The following NLGN4Y variants were observed in gnomAD, a reference collection of about 807,000 sequenced individuals.
NLGN4Y encodes the protein neuroligin 4 Y-linked.
A neutral mutation model predicts 8.4 loss-of-function variants in NLGN4Y; 4 were observed. The ratio of observed to expected loss-of-function variants is 0.48; its 90% CI spans 0.23 to 1.09. The LOEUF is 1.09. Among genes scored for constraint, NLGN4Y ranks in the 50% least tolerant of loss-of-function variants. NLGN4Y has a pLI of 0.19. For synonymous variants in NLGN4Y, 35 were observed against 75.6 expected, an observed-to-expected ratio of 0.46 and a Z score of 2.78; for missense variants, 90 against 192.3, an observed-to-expected ratio of 0.47 and a Z score of 3.15.
intron 4 of NLGN4Y, among the ~76,000 whole-genome samples, chrY:14,822,946 T>A: frequency 3.0e-5 from 1 of 33,390 alleles, no homozygotes; most frequent in Non-Finnish European, 7.4e-5. Flanking sequence ...ACCTCACAGT[T>A]GCAATACTGC....
At chrY:14,734,025 C>A (rs2080983789) in intron 4 of NLGN4Y, among the ~76,000 whole-genome samples, 1 of 32,932 alleles carries the variant, frequency 3.0e-5, no homozygotes. Context: ...AAGTTCTTGT[C>A]CAGCCTCCAG....
intron 4 of NLGN4Y, among the ~76,000 whole-genome samples, chrY:14,764,593 A>C: frequency 3.0e-5 from 1 of 33,812 alleles, no homozygotes; most frequent in South Asian, 6.6e-4. Context: ...TAAAAAACTG[A>C]CATTTATTTC....
intron 4 of NLGN4Y, among the ~76,000 whole-genome samples, chrY:14,770,480 C>A (rs2150572996): frequency 3.0e-5 from 1 of 33,282 alleles, no homozygotes; most frequent in South Asian, 6.7e-4. Flanking sequence ...TAGAAGAAAA[C>A]CTAACAAACA....
intron 1 of NLGN4Y, among the ~76,000 whole-genome samples, chrY:14,593,831 A>G (rs904849743): frequency 1.2e-4 from 4 of 33,228 alleles, no homozygotes; most frequent in Non-Finnish European, 3.0e-4. Context: ...TGTCCTTCCA[A>G]TGCCCAGACT....
chrY:14,799,050 G>A (rs2043021739), intron 4 of NLGN4Y, among the ~76,000 whole-genome samples: 1 of 33,859 alleles, frequency 3.0e-5, no homozygotes, highest in Non-Finnish European at 7.3e-5. Context: ...GCTGAAGCAG[G>A]AAAAGCCCAT....
intron 1 of NLGN4Y, among the ~76,000 whole-genome samples, chrY:14,595,015 A>T: frequency 3.0e-5 from 1 of 33,329 alleles, no homozygotes. Context: ...CTAAAGCCGC[A>T]TTCTTTTCAT....
At chrY:14,524,430 C>T, upstream of NLGN4Y, 2 of 95,738 alleles carry the variant, frequency 2.1e-5, no homozygotes, top group African/African-American at 2.0e-4. Flanking sequence ...TTCATCTGGT[C>T]TCTTCTCCCC....
chrY:14,546,338 A>T, intron 1 of NLGN4Y, among the ~76,000 whole-genome samples: 1 of 33,028 alleles, frequency 3.0e-5, no homozygotes, highest in Non-Finnish European at 7.4e-5. Flanking sequence ...CTTGATGGGG[A>T]TGGCATTGAA....
intron 2 of NLGN4Y, among the ~76,000 whole-genome samples, chrY:14,660,029 G>A (rs2080668655): frequency 3.0e-5 from 1 of 33,780 alleles, no homozygotes; most frequent in African/African-American, 1.2e-4. Context: ...CGATCTTCCT[G>A]CCTTGGCCTT....
chrY:14,827,290 T>C, intron 5 of NLGN4Y, among the ~76,000 whole-genome samples: 1 of 34,135 alleles, frequency 2.9e-5, no homozygotes, highest in African/African-American at 1.1e-4. Flanking sequence ...TCAGTTGATA[T>C]GACAGTTGTA....
chrY:14,758,261 G>A, intron 4 of NLGN4Y, among the ~76,000 whole-genome samples: 1 of 33,268 alleles, frequency 3.0e-5, no homozygotes, highest in African/African-American at 1.2e-4. Context: ...ATTTGCAAAT[G>A]GATTAAGGGC....
intron 2 of NLGN4Y, among the ~76,000 whole-genome samples, chrY:14,642,936 G>A: frequency 1.5e-4 from 5 of 33,565 alleles, no homozygotes. Context: ...AATCATTGCC[G>A]TTAGGAACCT....
At chrY:14,712,239 C>T in intron 2 of NLGN4Y, among the ~76,000 whole-genome samples, 9 of 33,093 alleles carry the variant, frequency 2.7e-4, no homozygotes, top group Admixed American at 2.2e-3. Context: ...TTTCAAAGTG[C>T]ACATACATTG....
chrY:14,827,899 T>C, intron 5 of NLGN4Y, among the ~76,000 whole-genome samples: 1 of 33,474 alleles, frequency 3.0e-5, no homozygotes, highest in Admixed American at 2.7e-4. Context: ...AGTATTATTA[T>C]CATAGCAAAG....
chrY:14,571,120 G>C, intron 1 of NLGN4Y, among the ~76,000 whole-genome samples: 1 of 32,913 alleles, frequency 3.0e-5, no homozygotes, highest in South Asian at 6.9e-4. Flanking sequence ...CCCAGTAATG[G>C]GATGGCTGGG....
At chrY:14,731,401 T>C in intron 4 of NLGN4Y, among the ~76,000 whole-genome samples, 1 of 32,879 alleles carries the variant, frequency 3.0e-5, no homozygotes, top group Middle Eastern at 0.014. Context: ...GTTGTATTAA[T>C]TTACCTTCTC....
chrY:14,820,068 AC>A (rs2043117073), intron 4 of NLGN4Y, among the ~76,000 whole-genome samples: 2 of 32,955 alleles, frequency 6.1e-5, no homozygotes, highest in Non-Finnish European at 1.5e-4. Flanking sequence ...CAGTCCCTGG[AC>A]CCTGATGTTC....
At chrY:14,673,275 C>T (rs1603502499) in intron 2 of NLGN4Y, among the ~76,000 whole-genome samples, 1 of 28,990 alleles carries the variant, frequency 3.4e-5, no homozygotes, top group Non-Finnish European at 8.1e-5. Context: ...TTGCAACCTA[C>T]TCATCTGACA....
intron 4 of NLGN4Y, among the ~76,000 whole-genome samples, chrY:14,771,333 C>A (rs2081107519): frequency 3.1e-5 from 1 of 32,215 alleles, no homozygotes; most frequent in Non-Finnish European, 7.6e-5. Context: ...GGAAGCCCAT[C>A]AGACAAACAG....
Sources: allele counts gnomAD v4.1 joint callset (sites outside exome capture counted in the v4.1 genomes callset), GRCh38; gene constraint gnomAD v4.1.1; transcripts MANE v1.5; gene names NCBI Gene and HGNC (gene_info 2026-07-23, HGNC 2026-07-21).